GSE1: variants seen among roughly 807,000 people sequenced by gnomAD.
The protein encoded by GSE1 is Gse1 coiled-coil protein.
GSE1 carries 32 observed loss-of-function variants against 112.6 expected under a neutral mutation model. The observed-to-expected ratio is 0.28, with a 90% CI of 0.21 to 0.38. GSE1 has a LOEUF of 0.38. Among genes scored for constraint, GSE1 ranks in the 10% least tolerant of loss-of-function variants. The probability of loss-of-function intolerance (pLI) is 1.00; values close to 1 mark genes in which losing one functional copy is unlikely to be tolerated. For synonymous variants in GSE1, 1,115 were observed against 735.6 expected (o/e 1.52, Z -8.35); for missense variants, 2,348 against 1,699.2 (o/e 1.38, Z -6.71).
intron 14 of GSE1, among the ~76,000 whole-genome samples, chr16:85,670,263 T>C (rs1420345242): frequency 6.6e-6 from 1 of 152,210 alleles, no homozygotes; most frequent in African/African-American, 2.4e-5. Flanking sequence ...ATTTGTCTGA[T>C]TGTCTTGTCA....
upstream of GSE1, among the ~76,000 whole-genome samples, chr16:85,608,422 T>G (rs2047807812): frequency 1.3e-5 from 2 of 152,154 alleles, no homozygotes; most frequent in South Asian, 4.1e-4. Context: ...TGCTCAGCTC[T>G]AGGCAGCTAA....
intron 2 of GSE1, among the ~76,000 whole-genome samples, chr16:85,527,808 C>G (rs2052412138): frequency 6.6e-6 from 1 of 152,226 alleles, no homozygotes; most frequent in Non-Finnish European, 1.5e-5. Context: ...ACAGGAGTGA[C>G]CGTCGAAGGA....
intron 1 of GSE1, among the ~76,000 whole-genome samples, chr16:85,332,622 C>T (rs1290490959): frequency 6.6e-6 from 1 of 152,166 alleles, no homozygotes; most frequent in Non-Finnish European, 1.5e-5. Context: ...TCTCTGCGGA[C>T]CCTGCAGGAC....
At chr16:85,242,433 G>T (rs542392182) in intron 1 of GSE1, among the ~76,000 whole-genome samples, 2 of 152,242 alleles carry the variant, frequency 1.3e-5, no homozygotes, top group Non-Finnish European at 2.9e-5. Context: ...AGTTGGTGAA[G>T]GCCACCTTCC....
intron 2 of GSE1, among the ~76,000 whole-genome samples, chr16:85,466,004 G>A (rs1319470853): frequency 1.3e-5 from 2 of 152,228 alleles, no homozygotes; most frequent in African/African-American, 4.8e-5. Flanking sequence ...AGTCCTGTGG[G>A]TGGATGAGCT....
At chr16:85,602,233 A>G (rs1423912932) in intron 1 of GSE1, among the ~76,000 whole-genome samples, 1 of 152,056 alleles carries the variant, frequency 6.6e-6, no homozygotes, top group Non-Finnish European at 1.5e-5. Context: ...GGTTGCCTGG[A>G]GGCCGAGGCG....
chr16:85,218,848 A>G (rs576607979), intron 1 of GSE1, among the ~76,000 whole-genome samples: 1 of 152,254 alleles, frequency 6.6e-6, no homozygotes, highest in South Asian at 2.1e-4. Flanking sequence ...TGAATGTCAC[A>G]TGTCCTTCCT....
intron 2 of GSE1, among the ~76,000 whole-genome samples, chr16:85,513,219 G>A (rs375806677): frequency 6.6e-6 from 1 of 151,980 alleles, no homozygotes; most frequent in African/African-American, 2.4e-5. Context: ...TGGCAGCTGG[G>A]AGCATGAACC....
At chr16:85,187,182 G>A (rs1488177342) in intron 1 of GSE1, among the ~76,000 whole-genome samples, 1 of 152,234 alleles carries the variant, frequency 6.6e-6, no homozygotes, top group East Asian at 1.9e-4. Flanking sequence ...CCAGGTGCCT[G>A]GAGCTTGGGG....
In GSE1 at chr16:85,271,105, C is replaced by T. The variant is rs143999264; in HGVS notation, c.2284-86358C>T. ...CTGGCCTCAGGGAGGCCAGAAGTAC[C>T]GGGAGGTGAATGCCCCGGGGAGGAG... On this transcript the variant is annotated intron_variant, in intron 1 of 2. Transcript: ENST00000637419. 4.6e-3 allele frequency among the ~76,000 whole-genome samples: 707 copies of T among 152,282 alleles called. 4 individuals are homozygous for T. The highest frequency in any genetic ancestry group is 0.016 in the African/African-American group (661 of 41,552).
chr16:85,452,714 A>G (rs992712078), intron 2 of GSE1, among the ~76,000 whole-genome samples: 1 of 152,154 alleles, frequency 6.6e-6, no homozygotes, highest in Non-Finnish European at 1.5e-5. Flanking sequence ...GAACCCAGAG[A>G]CCCTCAGCAC....
chr16:85,590,792 A>G (rs1452362018), intron 1 of GSE1, among the ~76,000 whole-genome samples: 1 of 152,170 alleles, frequency 6.6e-6, no homozygotes, highest in Non-Finnish European at 1.5e-5. Context: ...CTGCACCACC[A>G]TTTGGCTCTG....
At chr16:85,468,218 G>A (rs1237975535) in intron 2 of GSE1, among the ~76,000 whole-genome samples, 3 of 151,858 alleles carry the variant, frequency 2.0e-5, no homozygotes, top group Admixed American at 2.0e-4. Context: ...GGGAATATTC[G>A]AGAACCTTGG....
chr16:85,279,295 C>T (rs1187154620), intron 1 of GSE1, among the ~76,000 whole-genome samples: 5 of 152,166 alleles, frequency 3.3e-5, no homozygotes, highest in South Asian at 2.1e-4. Flanking sequence ...CATGCAAGCC[C>T]GCTACAAGCT....
At chr16:85,258,439 C>A (rs1907309883) in intron 1 of GSE1, among the ~76,000 whole-genome samples, 1 of 152,230 alleles carries the variant, frequency 6.6e-6, no homozygotes, top group Non-Finnish European at 1.5e-5. Flanking sequence ...CACATTCTCA[C>A]CGGGTCCCCA....
chr16:85,626,766 G>C (rs1327450064), intron 1 of GSE1, among the ~76,000 whole-genome samples: 3 of 152,166 alleles, frequency 2.0e-5, no homozygotes, highest in Non-Finnish European at 4.4e-5. Context: ...AGTAATTACG[G>C]GATCCGCGGG....
chr16:85,478,898 T>TCCTTCCTTCCTTCCTTCCTTC (rs1491203705), intron 2 of GSE1, among the ~76,000 whole-genome samples: 7 of 78,890 alleles, frequency 8.9e-5, no homozygotes, highest in African/African-American at 4.5e-4. Context: ...TTTCTTTCTT[T>TCCTTCCTTCCTTCCTTCCTTC]CTTTCTTTCT....
At chr16:85,535,703 T>C (rs993759758) in intron 2 of GSE1, among the ~76,000 whole-genome samples, 2 of 152,180 alleles carry the variant, frequency 1.3e-5, no homozygotes, top group African/African-American at 4.8e-5. Flanking sequence ...TGTGTCAAGA[T>C]ACCAGCCCCA....
intron 2 of GSE1, among the ~76,000 whole-genome samples, chr16:85,440,448 G>A (rs560192759): frequency 1.1e-4 from 16 of 152,206 alleles, no homozygotes; most frequent in Admixed American, 3.9e-4. Flanking sequence ...GAAGTTTCAC[G>A]TGCATCTGAG....
Sources: allele counts gnomAD v4.1 joint callset (sites outside exome capture counted in the v4.1 genomes callset), GRCh38; gene constraint gnomAD v4.1.1; transcripts MANE v1.5; gene names NCBI Gene and HGNC (gene_info 2026-07-23, HGNC 2026-07-21).